XCR1: variants seen among roughly 807,000 people sequenced by gnomAD.
XCR1 encodes the protein X-C motif chemokine receptor 1.
For missense variants in XCR1, 356 were observed against 424.2 expected (o/e 0.84, Z 1.41); for synonymous variants, 187 against 188.5 (o/e 0.99, Z 0.06).
chr3:46,079,480 T>C (rs962821387), intron 1 of XCR1, among the ~76,000 whole-genome samples: 3 of 152,124 alleles, frequency 2.0e-5, no homozygotes, highest in African/African-American at 7.2e-5. Flanking sequence ...TTAAAAAGAC[T>C]TTGAAGCCCT....
At chr3:46,030,251 GGAGAAAAGCTT>G (rs1708372361), upstream of XCR1, among the ~76,000 whole-genome samples, 2 of 152,132 alleles carry the variant, frequency 1.3e-5, no homozygotes, top group South Asian at 4.1e-4. Context: ...TCTGATCTTA[GGAGAAAAGCTT>G]CTAGTCTTTC....
At chr3:46,063,559 C>G (rs72889714) in intron 4 of XCR1, among the ~76,000 whole-genome samples, 18,632 of 152,146 alleles carry the variant, frequency 0.12, 3,750 homozygotes, top group African/African-American at 0.42. Flanking sequence ...CACATCAGTC[C>G]TCAGAAGCAC....
intron 4 of XCR1, among the ~76,000 whole-genome samples, chr3:46,066,685 G>A (rs1465009033): frequency 1.3e-5 from 2 of 152,204 alleles, no homozygotes; most frequent in African/African-American, 4.8e-5. Flanking sequence ...TGTAACAAGT[G>A]TCTAAGCAGT....
chr3:46,070,411 G>C lies in XCR1; in HGVS notation c.-262-3433C>G, dbSNP rs186362883. On this transcript the variant is annotated intron_variant, in intron 3 of 5. Coordinates refer to the XCR1 transcript ENST00000683768. ...AGTCCCTCACTATTATTGTGTTATT[G>C]TCCATCTCTTTCTTTAGATCTAGTA... 8.0e-4 allele frequency among the ~76,000 whole-genome samples: 122 copies of C among 151,958 alleles called. 1 individual carries two copies. Among genetic ancestry groups the C allele is most frequent in the South Asian group, 1.9e-3 (9 of 4,812 alleles).
intron 5 of XCR1, among the ~76,000 whole-genome samples, chr3:46,045,990 A>T (rs576820625): frequency 6.6e-6 from 1 of 152,378 alleles, no homozygotes; most frequent in East Asian, 1.9e-4. Context: ...AGGTGATTGG[A>T]TAAAGAAAAT....
intron 4 of XCR1, among the ~76,000 whole-genome samples, chr3:46,061,271 G>A (rs1315320396): frequency 6.6e-6 from 1 of 152,170 alleles, no homozygotes; most frequent in Non-Finnish European, 1.5e-5. Context: ...GTCCCTATCA[G>A]AGACTCAGTG....
chr3:46,021,831 G>C lies in XCR1; in HGVS notation c.117C>G (p.Cys39Trp), dbSNP rs1399389370. ...FATLATTVLY[C>W]LVFLLSLVGN... Reference sequence around the variant, plus strand: ...CCACTAGGCTGAGGAGAAACACCAGGCAGTATAGGACAGTGGTGGCGAGGG... The same window carrying C: ...CCACTAGGCTGAGGAGAAACACCAGCCAGTATAGGACAGTGGTGGCGAGGG... The change falls in exon 2 of 2, where the codon TGC becomes TGG. Residue 39 changes from cysteine to tryptophan, a missense_variant. Physicochemically the swap from Cys to Trp is radical, Grantham distance 215 (BLOSUM62 -2). Coordinates refer to ENST00000309285, the MANE Select transcript of XCR1 (RefSeq NM_001024644.2). The surrounding 1 kb of genome is among the most constrained non-coding windows in gnomAD (Gnocchi z 4.7). The C allele has an allele frequency of 1.9e-6, 3 of 1,614,094 alleles. No individual in the cohort carries two copies. The highest frequency in any genetic ancestry group is 2.5e-6 in the Non-Finnish European group (3 of 1,180,018).
In XCR1 at chr3:46,039,808, TAG is replaced by T. The variant is rs1697504322; in HGVS notation, c.-32+14110_-32+14111del. Among the ~76,000 whole-genome samples, 4 of 152,274 alleles carry T rather than the reference TAG, an allele frequency of 2.6e-5. No individual in the cohort carries two copies. In the South Asian group the frequency reaches 8.3e-4, roughly 32 times the overall value. ...TCAATTTTGAGGGATAAGATTAGTA[TAG>T]AGTTTTTCTATAAATTAAACAATAT... On this transcript the variant is annotated intron_variant, in intron 5 of 5. Coordinates refer to the XCR1 transcript ENST00000683768.
chr3:46,021,498 G>A lies in XCR1; in HGVS notation c.450C>T (p.Thr150=), dbSNP rs768591995. ...VPTLRCRVLV[T]MAVWVASILS... ...GGATGCTGGCTACCCACACAGCCAT[G>A]GTCACCAGCACCCGGCAGCGGAGGG... The change falls in exon 2 of 2, where the codon ACC becomes ACT. Residue 150 remains threonine (T), a synonymous_variant. Transcript: ENST00000309285. This position sits in a 1 kb window ranked among gnomAD's most constrained non-coding sequence, Gnocchi z 4.7. 6.2e-7 allele frequency: 1 copy of A among 1,613,440 alleles called. No individual in the cohort carries two copies. The highest frequency in any genetic ancestry group is 1.3e-5 in the African/African-American group (1 of 74,896).
intron 5 of XCR1, among the ~76,000 whole-genome samples, chr3:46,040,936 A>T (rs1405469301): frequency 6.6e-6 from 1 of 152,250 alleles, no homozygotes; most frequent in Non-Finnish European, 1.5e-5. Context: ...CATGGATCAA[A>T]CTAATGGAGG....
intron 3 of XCR1, among the ~76,000 whole-genome samples, chr3:46,067,938 G>A (rs1423753614): frequency 1.3e-5 from 2 of 152,170 alleles, no homozygotes; most frequent in East Asian, 3.8e-4. Context: ...GCAGAGGAGG[G>A]AGGCAAAGGT....
At chr3:46,068,650 C>T (rs181535232) in intron 3 of XCR1, among the ~76,000 whole-genome samples, 1 of 152,236 alleles carries the variant, frequency 6.6e-6, no homozygotes, top group African/African-American at 2.4e-5. Context: ...CCGAGCCAAC[C>T]TGATATTTTT....
chr3:46,023,655 C>A (rs1293142154), intron 1 of XCR1: 2 of 1,384,154 alleles, frequency 1.4e-6, no homozygotes, highest in Non-Finnish European at 2.0e-6. Flanking sequence ...AGAAGTACAG[C>A]CCTTCTTCAG....
At chr3:46,034,174 G>A (rs969941539) in intron 5 of XCR1, among the ~76,000 whole-genome samples, 5 of 152,010 alleles carry the variant, frequency 3.3e-5, no homozygotes, top group South Asian at 2.1e-4. Context: ...GTTTCACCAC[G>A]TTGGTCAGGA....
chr3:46,045,998 A>G (rs947928392), intron 5 of XCR1, among the ~76,000 whole-genome samples: 3 of 152,228 alleles, frequency 2.0e-5, no homozygotes, highest in Non-Finnish European at 4.4e-5. Context: ...GGATAAAGAA[A>G]ATGTAGTATA....
In XCR1 at chr3:46,081,042, G is replaced by A. The variant is rs188050522; in HGVS notation, c.-514-4116C>T. ...TTTCTCATTGGGATGAAACCTGCCC[G>A]TGCCAATGAGCCATGGTCCAAGTAG... On this transcript the variant is annotated intron_variant, in intron 1 of 5. Coordinates refer to the XCR1 transcript ENST00000683768. Among the ~76,000 whole-genome samples, 255 of 152,242 alleles carry A rather than the reference G, an allele frequency of 1.7e-3. 1 individual carries two copies. The highest frequency in any genetic ancestry group is 1.7e-3 in the Non-Finnish European group (116 of 68,010).
At chr3:46,061,779 C>T (rs1697967952) in intron 4 of XCR1, among the ~76,000 whole-genome samples, 1 of 152,036 alleles carries the variant, frequency 6.6e-6, no homozygotes, top group African/African-American at 2.4e-5. Flanking sequence ...CATGGGGGTG[C>T]CAGGCCTGGG....
chr3:46,071,242 C>T (rs78420033), intron 3 of XCR1, among the ~76,000 whole-genome samples: 2,576 of 151,954 alleles, frequency 0.017, 33 homozygotes, highest in Middle Eastern at 0.065. Flanking sequence ...TCTGAACATA[C>T]AAATAACAAG....
chr3:46,081,459 C>T (rs958553313), intron 1 of XCR1, among the ~76,000 whole-genome samples: 6 of 152,308 alleles, frequency 3.9e-5, no homozygotes, highest in African/African-American at 1.2e-4. Flanking sequence ...GCCACAGTCT[C>T]AGAATACTTC....
Sources: gnomAD v4.1 joint callset for allele counts (sites outside exome capture counted in the v4.1 genomes callset) on GRCh38, gnomAD v4.1.1 for gene constraint, Gnocchi (gnomAD v3.1) non-coding constraint, MANE v1.5 for transcripts, NCBI Gene and HGNC (gene_info 2026-07-23, HGNC 2026-07-21) for gene names.